The following RBFOX1 variants were observed in gnomAD, a reference collection of about 807,000 sequenced individuals.
The protein encoded by RBFOX1 is RNA binding protein fox-1 homolog 1.
In RBFOX1, 8 loss-of-function variants were observed where a neutral mutation model predicts 57.7. The observed-to-expected ratio is 0.14, with a 90% CI of 0.08 to 0.25. The LOEUF is 0.25. Ranked by LOEUF, RBFOX1 falls within the 10% of genes least tolerant of loss-of-function variation. RBFOX1 has a pLI of 1.00. For missense variants in RBFOX1, 611 were observed against 548.5 expected (o/e 1.11, Z -1.14); for synonymous variants, 326 against 222.4 (o/e 1.47, Z -4.15).
intron 1 of RBFOX1, among the ~76,000 whole-genome samples, chr16:5,426,519 C>A (rs1432370878): frequency 6.6e-6 from 1 of 152,206 alleles, no homozygotes; most frequent in East Asian, 1.9e-4. Flanking sequence ...GAGCCACGTG[C>A]TTCTCTCCAG....
intron 3 of RBFOX1, among the ~76,000 whole-genome samples, chr16:5,753,008 A>T (rs2053266592): frequency 6.6e-6 from 1 of 152,116 alleles, no homozygotes. Context: ...ACCGTATTTT[A>T]AAAATTAGCC....
chr16:5,795,773 G>A (rs1304113167), intron 3 of RBFOX1, among the ~76,000 whole-genome samples: 1 of 152,132 alleles, frequency 6.6e-6, no homozygotes, highest in Admixed American at 6.5e-5. Flanking sequence ...CTTTAGACCT[G>A]GAAGATAAAC....
chr16:5,547,052 A>G (rs1439490163), intron 2 of RBFOX1, among the ~76,000 whole-genome samples: 1 of 152,216 alleles, frequency 6.6e-6, no homozygotes, highest in Non-Finnish European at 1.5e-5. Flanking sequence ...ACAATGAGAT[A>G]CCATTATACA....
At chr16:6,819,705 CAAAAAAAAAA>C (rs1181614275) in intron 3 of RBFOX1, among the ~76,000 whole-genome samples, 2 of 20,626 alleles carry the variant, frequency 9.7e-5, no homozygotes, top group South Asian at 6.4e-3. Context: ...AACTCTGACT[CAAAAAAAAAA>C]AAAAAAAAAA....
chr16:6,596,027 T>G (rs2097773573), intron 2 of RBFOX1, among the ~76,000 whole-genome samples: 1 of 152,122 alleles, frequency 6.6e-6, no homozygotes, highest in Admixed American at 6.6e-5. Flanking sequence ...GAATAAAAAT[T>G]TTCAAATCAC....
At chr16:6,883,480 G>A (rs1299950849) in intron 3 of RBFOX1, among the ~76,000 whole-genome samples, 1 of 152,188 alleles carries the variant, frequency 6.6e-6, no homozygotes, top group Admixed American at 6.5e-5. Flanking sequence ...CTTTCTCTTA[G>A]ACACCCATCT....
intron 1 of RBFOX1, among the ~76,000 whole-genome samples, chr16:5,315,651 A>C (rs944651970): frequency 7.2e-5 from 11 of 152,182 alleles, no homozygotes; most frequent in Admixed American, 6.5e-4. Flanking sequence ...GTGCGTTTGC[A>C]AGGAATTAAT....
chr16:5,504,775 G>A (rs1344402795), intron 2 of RBFOX1, among the ~76,000 whole-genome samples: 1 of 152,192 alleles, frequency 6.6e-6, no homozygotes, highest in Non-Finnish European at 1.5e-5. Context: ...AGGAGGATGC[G>A]GAGGCTTGGG....
intron 3 of RBFOX1, among the ~76,000 whole-genome samples, chr16:6,750,368 G>A (rs1029756025): frequency 4.6e-5 from 7 of 152,122 alleles, no homozygotes; most frequent in African/African-American, 1.7e-4. Context: ...TGGTATTTAG[G>A]CACTTAATTG....
At chr16:6,878,418 A>C (rs767419085) in intron 3 of RBFOX1, among the ~76,000 whole-genome samples, 2 of 152,206 alleles carry the variant, frequency 1.3e-5, no homozygotes, top group African/African-American at 4.8e-5. Flanking sequence ...ATTTTCCTTC[A>C]TCCAAGATTG....
At chr16:6,649,620 G>A (rs74874962) in intron 2 of RBFOX1, among the ~76,000 whole-genome samples, 2 of 152,078 alleles carry the variant, frequency 1.3e-5, no homozygotes, top group Non-Finnish European at 2.9e-5. Context: ...GCAATGTTTC[G>A]TTTTCCATTC....
chr16:6,322,366 G>A (rs945008429), intron 2 of RBFOX1, among the ~76,000 whole-genome samples: 1 of 152,014 alleles, frequency 6.6e-6, no homozygotes, highest in African/African-American at 2.4e-5. Flanking sequence ...ATTCCAACTG[G>A]GCAAGTTCAT....
intron 3 of RBFOX1, among the ~76,000 whole-genome samples, chr16:6,921,636 T>C (rs1392790928): frequency 4.8e-5 from 3 of 61,908 alleles, no homozygotes; most frequent in Non-Finnish European, 1.1e-4. Context: ...TATATATATA[T>C]ATATATATAT....
chr16:5,421,986 G>T (rs553131407), intron 1 of RBFOX1, among the ~76,000 whole-genome samples: 1 of 152,280 alleles, frequency 6.6e-6, no homozygotes, highest in East Asian at 1.9e-4. Context: ...AAGGGAGAAA[G>T]GGTGTCTATA....
At chr16:7,539,114 AG>A (rs983358164) in intron 5 of RBFOX1, among the ~76,000 whole-genome samples, 1 of 152,136 alleles carries the variant, frequency 6.6e-6, no homozygotes, top group Non-Finnish European at 1.5e-5. Flanking sequence ...ATTCAAGGAG[AG>A]GGGAAAAGAC....
chr16:6,825,595 C>T (rs1418440317), intron 3 of RBFOX1, among the ~76,000 whole-genome samples: 1 of 152,090 alleles, frequency 6.6e-6, no homozygotes, highest in East Asian at 1.9e-4. Flanking sequence ...ATTTTCTCTT[C>T]CTTTTAGAAA....
intron 1 of RBFOX1, among the ~76,000 whole-genome samples, chr16:6,134,299 A>G (rs1033821738): frequency 3.3e-5 from 5 of 152,116 alleles, no homozygotes; most frequent in Admixed American, 1.3e-4. Context: ...TTGCAGTTTT[A>G]CGTATATTTT....
chr16:6,305,213 C>T (rs1451103494), intron 1 of RBFOX1, among the ~76,000 whole-genome samples: 1 of 152,186 alleles, frequency 6.6e-6, no homozygotes, highest in South Asian at 2.1e-4. Flanking sequence ...GCAAATATAG[C>T]ACAACTGCCA....
chr16:5,856,003 G>A (rs1368974525), intron 3 of RBFOX1, among the ~76,000 whole-genome samples: 10 of 108,016 alleles, frequency 9.3e-5, no homozygotes, highest in Admixed American at 6.3e-4. Context: ...TTTTGCTATC[G>A]TCAATAAGAT....
Sources: allele counts gnomAD v4.1 joint callset (sites outside exome capture counted in the v4.1 genomes callset), GRCh38; gene constraint gnomAD v4.1.1; transcripts MANE v1.5; gene names NCBI Gene and HGNC (gene_info 2026-07-23, HGNC 2026-07-21).